The following INPP4A variants were observed in gnomAD, a reference collection of about 807,000 sequenced individuals.
The protein encoded by INPP4A is inositol polyphosphate-4-phosphatase, type I, 107kD.
A neutral mutation model predicts 119.8 loss-of-function variants in INPP4A; 33 were observed. The observed-to-expected ratio is 0.28, with a 90% CI of 0.21 to 0.37. The LOEUF (loss-of-function observed/expected upper bound fraction) is 0.37, where lower values mean the gene tolerates loss of function less well. Ranked by LOEUF, INPP4A falls within the 10% of genes least tolerant of loss-of-function variation. INPP4A has a pLI of 1.00. For synonymous variants in INPP4A, 496 were observed against 500.7 expected (o/e 0.99, Z 0.12); for missense variants, 956 against 1,289.9 (o/e 0.74, Z 3.97).
At chr2:98,532,522 G>A (rs549770855) in intron 4 of INPP4A, among the ~76,000 whole-genome samples, 2 of 152,296 alleles carry the variant, frequency 1.3e-5, no homozygotes, top group Admixed American at 1.3e-4. Context: ...TGTCAAATGT[G>A]TCATTAGGTG....
intron 10 of INPP4A, among the ~76,000 whole-genome samples, chr2:98,541,280 T>TTG (rs1166233785): frequency 1.3e-5 from 2 of 148,860 alleles, no homozygotes; most frequent in Non-Finnish European, 3.0e-5. Context: ...TGAGCCGAGA[T>TTG]CACGCCACTG....
rs146302255 is a variant in INPP4A, at chr2:98,501,833, C to G, written c.-165-17131C>G. Among the ~76,000 whole-genome samples, 171 of 152,310 alleles carry G rather than the reference C, an allele frequency of 1.1e-3. 1 individual carries two copies. The highest frequency in any genetic ancestry group is 4.0e-3 in the African/African-American group (165 of 41,564). ...AGGGGCTCCAACTCTACATCAGTTG[C>G]GTTTCCATCACATTTATCTGCGTCT... On this transcript the variant is annotated intron_variant, in intron 1 of 24. Transcript: ENST00000409851.
intron 1 of INPP4A, among the ~76,000 whole-genome samples, chr2:98,517,428 C>T (rs1181144133): frequency 2.0e-5 from 3 of 152,112 alleles, no homozygotes; most frequent in African/African-American, 2.4e-5. Flanking sequence ...TAAGTAGAGA[C>T]GGCCAGTTTT....
Position 98,500,594 on chromosome 2 carries a change from G to A in INPP4A, c.-165-18370G>A, listed in dbSNP as rs185122168. Among the ~76,000 whole-genome samples, 12 of 152,318 alleles carry A rather than the reference G, an allele frequency of 7.9e-5. No homozygotes were observed. In the East Asian group the frequency reaches 2.3e-3, roughly 29 times the overall value. ...AACTCCCAATACAGCACGGGCAAGT[G>A]GGAATTTGTAGTCTAGGAACAGGGT... On this transcript the variant is annotated intron_variant, in intron 1 of 24. Coordinates refer to ENST00000409851, the MANE Select transcript of INPP4A (RefSeq NM_001134225.2).
Position 98,568,599 on chromosome 2 carries a change from A to G in INPP4A, c.2449A>G (p.Ile817Val), listed in dbSNP as rs1179957113. Reference protein sequence around the residue: ...RFGDTSLQEVINVESLVRLNS... With the variant: ...RFGDTSLQEVVNVESLVRLNS... Reference sequence around the variant, plus strand: ...TGGCGATACGTCTTTACAAGAAGTCATCAACGTGGAGAGTTTGGTGCGGTT... The same window carrying G: ...TGGCGATACGTCTTTACAAGAAGTCGTCAACGTGGAGAGTTTGGTGCGGTT... Residue 817 changes from isoleucine (I) to valine (V), a missense_variant, in exon 22 of 25, where the codon ATC becomes GTC. Physicochemically the swap from Ile to Val is conservative, Grantham distance 29. Transcript: ENST00000409851. 1 of 1,602,352 alleles carries G rather than the reference A, an allele frequency of 6.2e-7. No homozygotes were observed. Among genetic ancestry groups the G allele is most frequent in the African/African-American group, 1.3e-5 (1 of 74,840 alleles).
At chr2:98,562,781 G>C (rs1695724694) in intron 17 of INPP4A, among the ~76,000 whole-genome samples, 1 of 147,568 alleles carries the variant, frequency 6.8e-6, no homozygotes, top group South Asian at 2.2e-4. Context: ...TTAAAAAGTT[G>C]TTTTGGTATA....
chr2:98,558,358 T>C (rs1694859034), intron 16 of INPP4A, among the ~76,000 whole-genome samples: 1 of 152,180 alleles, frequency 6.6e-6, no homozygotes, highest in African/African-American at 2.4e-5. Context: ...ATAACCTGAT[T>C]AGCAGATCAA....
At chr2:98,492,585 C>T (rs941342838) in intron 1 of INPP4A, among the ~76,000 whole-genome samples, 6 of 152,114 alleles carry the variant, frequency 3.9e-5, no homozygotes, top group Admixed American at 1.3e-4. Flanking sequence ...GGTGAGAGAG[C>T]GGGGCTCTAG....
chr2:98,497,713 T>G (rs1221683584), intron 1 of INPP4A, among the ~76,000 whole-genome samples: 1 of 152,252 alleles, frequency 6.6e-6, no homozygotes, highest in African/African-American at 2.4e-5. Context: ...CTCTGTTGAT[T>G]GTCTGCTTTG....
Position 98,543,040 on chromosome 2 carries a change from C to T in INPP4A, c.819-837C>T, listed in dbSNP as rs1238211914. On this transcript the variant is annotated intron_variant, in intron 10 of 24. Transcript: ENST00000409851. Reference sequence around the variant, plus strand: ...GTTCACGCCATTCTCCTGCCTCAGCCTTCCAAGTAGCTGGGACTACAGGCG... The same window carrying T: ...GTTCACGCCATTCTCCTGCCTCAGCTTTCCAAGTAGCTGGGACTACAGGCG... Among the ~76,000 whole-genome samples, 6 of 152,086 alleles carry T rather than the reference C, an allele frequency of 3.9e-5. 1 individual carries two copies. The highest frequency in any genetic ancestry group is 3.9e-4 in the Admixed American group (6 of 15,280).
intron 24 of INPP4A, among the ~76,000 whole-genome samples, chr2:98,586,445 G>A (rs186702492): frequency 6.6e-6 from 1 of 151,910 alleles, no homozygotes; most frequent in Non-Finnish European, 1.5e-5. Flanking sequence ...GGGGAATTTT[G>A]TACTAAATTT....
chr2:98,548,745 G>A (rs1042890891), intron 13 of INPP4A, among the ~76,000 whole-genome samples: 9 of 152,162 alleles, frequency 5.9e-5, no homozygotes, highest in Non-Finnish European at 8.8e-5. Flanking sequence ...GAGGTGGGAT[G>A]TCTCCCTGGG....
At chr2:98,584,202 C>T (rs1208103525) in intron 24 of INPP4A, among the ~76,000 whole-genome samples, 55 of 152,242 alleles carry the variant, frequency 3.6e-4, no homozygotes, top group Admixed American at 3.5e-3. Flanking sequence ...CCCTCTTTCA[C>T]ATTGAGGCGT....
chr2:98,508,256 G>A (rs1426546892), intron 1 of INPP4A, among the ~76,000 whole-genome samples: 1 of 152,212 alleles, frequency 6.6e-6, no homozygotes, highest in Non-Finnish European at 1.5e-5. Context: ...ACAGCTTTGT[G>A]TTTGGGTGGA....
rs907795556 is a variant in INPP4A, at chr2:98,538,920, G to A, written c.609G>A (p.Thr203=). 8.7e-6 allele frequency: 14 copies of A among 1,610,568 alleles called. No individual in the cohort carries two copies. Among genetic ancestry groups the A allele is most frequent in the Admixed American group, 3.3e-5 (2 of 59,866 alleles). ...TTCTTCCTGTCGATGAGAGCTTGACGGAGGCGTTAGGAATCCGATCCAAAT... is the reference window on the plus strand; with the variant it reads ...TTCTTCCTGTCGATGAGAGCTTGACAGAGGCGTTAGGAATCCGATCCAAAT... ...RMVLPVDESL[T]EALGIRSKYA... is the part of the protein sequence containing the mutation. The change falls in exon 9 of 25, where the codon ACG becomes ACA. Residue 203 remains threonine (T), a synonymous_variant. Transcript: ENST00000409851.
At chr2:98,582,479 A>G (rs1357109248) in intron 24 of INPP4A, among the ~76,000 whole-genome samples, 1 of 150,162 alleles carries the variant, frequency 6.7e-6, no homozygotes, top group South Asian at 2.1e-4. Flanking sequence ...CATACGCCAG[A>G]CACAGAAAGA....
At chr2:98,553,274 C>G (rs915621095) in intron 14 of INPP4A, among the ~76,000 whole-genome samples, 4 of 152,028 alleles carry the variant, frequency 2.6e-5, no homozygotes, top group African/African-American at 7.2e-5. Context: ...ACTTCTTTCT[C>G]AGTAACAGCC....
Position 98,588,312 on chromosome 2 carries a change from CAGCAGTAAGGTCCCTTT to C in INPP4A, c.*708_*724del, listed in dbSNP as rs1322107522. The stretch of plus-strand genomic sequence containing the variant: ...AGGGAGTCTGCTGGAGACACAAAGC[CAGCAGTAAGGTCCCTTT>C]AGCCTGTCTCCTGTTCTCTGAAGCT... On this transcript the variant is annotated 3_prime_UTR_variant, in exon 25 of 25. Transcript: ENST00000409851. 4.9e-6 allele frequency: 1 copy of C among 202,344 alleles called. No homozygotes were observed. Among genetic ancestry groups the C allele is most frequent in the African/African-American group, 2.3e-5 (1 of 43,630 alleles). The allele number at this position is 202,344 out of a possible 1,614,324, so 12.5% of individuals were successfully genotyped here. A position where few individuals can be genotyped will look rare whatever the true frequency, so the allele number is the denominator to read the frequency against.
chr2:98,532,128 T>G (rs900427666), intron 4 of INPP4A, among the ~76,000 whole-genome samples: 19 of 152,212 alleles, frequency 1.2e-4, no homozygotes, highest in African/African-American at 4.1e-4. Flanking sequence ...TGAATGAACA[T>G]GACAAAGATA....
Sources: allele counts gnomAD v4.1 joint callset (sites outside exome capture counted in the v4.1 genomes callset), GRCh38; gene constraint gnomAD v4.1.1; transcripts MANE v1.5; gene names NCBI Gene and HGNC (gene_info 2026-07-23, HGNC 2026-07-21).